The following CNTLN variants were observed in gnomAD, a reference collection of about 807,000 sequenced individuals.
The protein encoded by CNTLN is centlein, centrosomal protein.
In CNTLN, 212 loss-of-function variants were observed where a neutral mutation model predicts 180.0. That is an observed-to-expected ratio of 1.18 (90% CI 1.05 to 1.32). The LOEUF is 1.32. Ranked by LOEUF, CNTLN falls within the 40% of genes most tolerant of loss-of-function variation. CNTLN has a pLI of 0.00. For synonymous variants in CNTLN, 722 were observed against 563.1 expected (o/e 1.28, Z -3.99); for missense variants, 2,095 against 1,610.9 (o/e 1.30, Z -5.14).
At chr9:17,519,104 A>ATTTATTTATTTATTTATTTATTTAT in the CNTLN span, among the ~76,000 whole-genome samples, 1 of 131,520 alleles carries the variant, frequency 7.6e-6, no homozygotes, top group African/African-American at 4.2e-5. Context: ...TTATTTATTT[A>ATTTATTTATTTATTTATTTATTTAT]TTTTTTAAAG....
chr9:17,238,716 T>C (rs1825305568), intron 5 of CNTLN, among the ~76,000 whole-genome samples: 1 of 152,220 alleles, frequency 6.6e-6, no homozygotes, highest in South Asian at 2.1e-4. Context: ...ATTTTTCTCT[T>C]AGTAATTTAT....
intron 12 of CNTLN, among the ~76,000 whole-genome samples, chr9:17,353,179 CTCCTGGCCTCAAGCGA>C (rs369571009): frequency 0.012 from 1,839 of 152,084 alleles, 44 homozygotes; most frequent in African/African-American, 0.042. Flanking sequence ...TAGTCTTGAA[CTCCTGGCCTCAAGCGA>C]TCCTCCCATG....
At chr9:17,327,311 AC>A (rs1440762080) in intron 8 of CNTLN, among the ~76,000 whole-genome samples, 4 of 28,742 alleles carry the variant, frequency 1.4e-4, no homozygotes, top group Non-Finnish European at 2.1e-4. Context: ...TCCCAGGTTC[AC>A]GGCCATCCTC....
At chr9:17,248,772 C>G (rs909644521) in intron 5 of CNTLN, among the ~76,000 whole-genome samples, 1 of 151,360 alleles carries the variant, frequency 6.6e-6, no homozygotes, top group South Asian at 2.1e-4. Context: ...CAAACCTGAA[C>G]GGACCAGTAA....
intron 18 of CNTLN, among the ~76,000 whole-genome samples, chr9:17,434,186 G>T (rs891977610): frequency 6.6e-6 from 1 of 152,094 alleles, no homozygotes. Context: ...GATTTTTCAA[G>T]AGCCAGCTTT....
chr9:17,359,113 G>A (rs919962279), intron 12 of CNTLN, among the ~76,000 whole-genome samples: 1 of 151,696 alleles, frequency 6.6e-6, no homozygotes, highest in Non-Finnish European at 1.5e-5. Flanking sequence ...CAACTTCCTG[G>A]GTTCAAGTGA....
At chr9:17,527,613 G>A in the CNTLN span, among the ~76,000 whole-genome samples, 1 of 152,036 alleles carries the variant, frequency 6.6e-6, no homozygotes, top group African/African-American at 2.4e-5. Context: ...TGATGTGTGT[G>A]GTAAAGAATT....
chr9:17,517,868 C>T, the CNTLN span, among the ~76,000 whole-genome samples: 1 of 152,044 alleles, frequency 6.6e-6, no homozygotes, highest in East Asian at 1.9e-4. Flanking sequence ...TCAGCATGAT[C>T]AGTTACCTCA....
chr9:17,349,006 G>T (rs959584201), intron 12 of CNTLN, among the ~76,000 whole-genome samples: 4 of 151,720 alleles, frequency 2.6e-5, no homozygotes, highest in Non-Finnish European at 5.9e-5. Flanking sequence ...TTTTGTTTCT[G>T]TTCATTGGCA....
At chr9:17,484,273 A>C in intron 23 of CNTLN, 22 bp from the exon 24 acceptor site, 1 of 1,558,808 alleles carries the variant, frequency 6.4e-7, no homozygotes, top group East Asian at 2.3e-5. Context: ...TATAAGCTCA[A>C]TTTCTTTCCA....
intron 14 of CNTLN, 105 bp downstream of exon 14, chr9:17,388,358 T>C (rs1825847614): frequency 1.5e-6 from 1 of 681,820 alleles, no homozygotes; most frequent in African/African-American, 1.8e-5. Context: ...CTTGTGTGAA[T>C]CCTTAATTTA....
intron 25 of CNTLN, among the ~76,000 whole-genome samples, chr9:17,493,791 A>G (rs1335682856): frequency 2.6e-5 from 4 of 152,214 alleles, no homozygotes; most frequent in Admixed American, 6.5e-5. Context: ...AATAATAGGA[A>G]ACTCAGTAAC....
At chr9:17,263,457 A>G (rs1266541369) in intron 5 of CNTLN, among the ~76,000 whole-genome samples, 1 of 150,896 alleles carries the variant, frequency 6.6e-6, no homozygotes, top group Non-Finnish European at 1.5e-5. Context: ...GGGCATTTGG[A>G]TTGGTTCCAA....
At chr9:17,345,471 A>G (rs1320689196) in intron 12 of CNTLN, among the ~76,000 whole-genome samples, 1 of 150,542 alleles carries the variant, frequency 6.6e-6, no homozygotes, top group Non-Finnish European at 1.5e-5. Context: ...TGGGTTACTT[A>G]AGCTTTTTTT....
intron 13 of CNTLN, among the ~76,000 whole-genome samples, chr9:17,380,027 C>G (rs919653045): frequency 6.6e-6 from 1 of 152,150 alleles, no homozygotes; most frequent in African/African-American, 2.4e-5. Flanking sequence ...TGAATAGCTG[C>G]TCGAAGAGAA....
chr9:17,219,257 CT>C (rs112815886), intron 2 of CNTLN, among the ~76,000 whole-genome samples: 4,040 of 142,164 alleles, frequency 0.028, 187 homozygotes, highest in African/African-American at 0.096. Flanking sequence ...TTTAAGGAAC[CT>C]TTTTTTTTTT....
At chr9:17,390,312 C>T (rs1254734842) in intron 14 of CNTLN, among the ~76,000 whole-genome samples, 2 of 124,618 alleles carry the variant, frequency 1.6e-5, no homozygotes, top group Non-Finnish European at 3.2e-5. Flanking sequence ...AGTGTTGGCT[C>T]ACTGCAACCT....
At chr9:17,520,610 A>G in the CNTLN span, among the ~76,000 whole-genome samples, 1 of 152,254 alleles carries the variant, frequency 6.6e-6, no homozygotes, top group East Asian at 1.9e-4. Context: ...GCAATCCAGC[A>G]TAGTTAATTA....
chr9:17,391,457 G>A (rs1028935956), intron 14 of CNTLN, among the ~76,000 whole-genome samples: 7 of 152,120 alleles, frequency 4.6e-5, no homozygotes, highest in African/African-American at 1.7e-4. Context: ...TCTTGCTTCT[G>A]AGGCACTTCC....
Sources: allele counts gnomAD v4.1 joint callset (sites outside exome capture counted in the v4.1 genomes callset), GRCh38; gene constraint gnomAD v4.1.1; transcripts MANE v1.5; gene names NCBI Gene and HGNC (gene_info 2026-07-23, HGNC 2026-07-21).